Variants in CELSR1 observed in about 807,000 individuals in gnomAD.
CELSR1 encodes cadherin EGF LAG seven-pass G-type receptor 1.
CELSR1 carries 110 observed loss-of-function variants against 249.1 expected under a neutral mutation model. The ratio of observed to expected loss-of-function variants is 0.44; its 90% CI spans 0.38 to 0.52. The LOEUF is 0.52. Among genes scored for constraint, CELSR1 ranks in the 20% least tolerant of loss-of-function variants. The pLI, the probability that CELSR1 is intolerant of heterozygous loss-of-function variation, is 0.00. For missense variants in CELSR1, 4,109 were observed against 4,296.4 expected (o/e 0.96, Z 1.22); for synonymous variants, 2,113 against 1,900.0 (o/e 1.11, Z -2.92).
chr22:46,366,256 G>GA (rs376351841), intron 30 of CELSR1, 130 bp downstream of exon 30: 8 of 537,010 alleles, frequency 1.5e-5, no homozygotes, highest in East Asian at 3.1e-5. Flanking sequence ...CGGGTGGGAA[G>GA]AAGGTGCGGG....
At chr22:46,370,100 G>A in intron 25 of CELSR1, 1 of 515,306 alleles carries the variant, frequency 1.9e-6, no homozygotes, top group Non-Finnish European at 3.8e-6. Flanking sequence ...GGGTGGCAGT[G>A]AGATGGTGCA....
At chr22:46,421,385 G>A (rs562097861) in intron 5 of CELSR1, among the ~76,000 whole-genome samples, 4 of 152,154 alleles carry the variant, frequency 2.6e-5, no homozygotes, top group East Asian at 3.8e-4. Context: ...TCAGCCGGGC[G>A]TGAAACTGAG....
chr22:46,376,936 T>C, intron 24 of CELSR1, 125 bp downstream of exon 24: 1 of 941,464 alleles, frequency 1.1e-6, no homozygotes, highest in East Asian at 2.6e-5. Flanking sequence ...AAAGGGCATC[T>C]GTGAAGCAGA....
rs79928681 is a variant in CELSR1 at position 46,384,419 on chromosome 22, G to C, written c.6883+124C>G. On this transcript the variant is annotated intron_variant, in intron 20 of 34. Coordinates refer to ENST00000674500, the MANE Select transcript of CELSR1 (RefSeq NM_001378328.1). ...GTCACCAACAGGACCTGGCACCAGA[G>C]AGCACTCGGAACACTCTGGCCCAGA... 2.7e-3 allele frequency: 3,082 copies of C among 1,155,976 alleles called. 75 individuals carry two copies. The African/African-American group carries it at 0.044, about 16-fold the overall frequency. 71.6% of individuals were successfully genotyped at this position (1,155,976 alleles called of 1,614,324 possible).
Position 46,534,166 on chromosome 22 carries a change from T to C in CELSR1, c.3005A>G (p.Asp1002Gly). Residue 1002 changes from aspartate to glycine, a missense_variant, in exon 1 of 35, where the codon GAC becomes GGC. Around this residue, in one of 7 missense-constraint regions of CELSR1, gnomAD observed 886 missense variants for 896.5 expected, o/e 0.99. Transcript: ENST00000674500. The surrounding 1 kb of genome is among the most constrained non-coding windows in gnomAD (Gnocchi z 9.7). ...CTCCTCAACAAACAGCTCCAGTTCG[T>C]CCTTCTCAAACATGGGGGCATTGTC... Reference protein sequence around the residue: ...INDNAPMFEKDELELFVEENN... With the variant: ...INDNAPMFEKGELELFVEENN... The C allele has an allele frequency of 6.2e-7, 1 of 1,613,900 alleles. No homozygotes were observed. The highest frequency in any genetic ancestry group is 8.5e-7 in the Non-Finnish European group (1 of 1,180,036).
At chr22:46,418,242 A>G (rs548070993) in intron 5 of CELSR1, among the ~76,000 whole-genome samples, 1 of 152,308 alleles carries the variant, frequency 6.6e-6, no homozygotes, top group South Asian at 2.1e-4. Context: ...GCACTTTGGG[A>G]GGCCGAGGTG....
Position 46,377,102 on chromosome 22 carries a change from G to A in CELSR1, c.7543C>T (p.Gln2515Ter). The A allele has an allele frequency of 6.2e-7, 1 of 1,613,554 alleles. No homozygotes were observed. Among genetic ancestry groups the A allele is most frequent in the Non-Finnish European group, 8.5e-7 (1 of 1,179,882 alleles). ...TTGATCCCAATCACGAACACCAGCTGAGAGAGGAAGAGCGCCACGGCGAGG... is the reference window on the plus strand; with the variant it reads ...TTGATCCCAATCACGAACACCAGCTAAGAGAGGAAGAGCGCCACGGCGAGG... Reference protein sequence around the residue: ...KHLAVALFLSQLVFVIGINQT... With the variant: ...KHLAVALFLS Residue 2515 changes from glutamine to a stop codon, truncating the protein, a stop_gained, in exon 24 of 35, where the codon CAG becomes TAG. Transcript: ENST00000674500. LOFTEE classifies it high-confidence loss of function.
chr22:46,441,976 T>C lies in CELSR1; in HGVS notation c.4184-2565A>G, dbSNP rs2079755550. Among the ~76,000 whole-genome samples, 1 of 152,042 alleles carries C rather than the reference T, an allele frequency of 6.6e-6. No homozygotes were observed. Among genetic ancestry groups the C allele is most frequent in the African/African-American group, 2.4e-5 (1 of 41,390 alleles). On this transcript the variant is annotated intron_variant, in intron 2 of 34. Coordinates refer to ENST00000674500, the MANE Select transcript of CELSR1 (RefSeq NM_001378328.1). This position sits in a 1 kb window ranked among gnomAD's most constrained non-coding sequence, Gnocchi z 6.1. ...CCAGCCTAACCAACATGGTGAAACC[T>C]CATCTCTACTAAAAATACAAAATTA...
intron 1 of CELSR1, among the ~76,000 whole-genome samples, chr22:46,514,540 G>A (rs1343598485): frequency 6.6e-6 from 1 of 152,156 alleles, no homozygotes; most frequent in African/African-American, 2.4e-5. Context: ...GATGTGGCCT[G>A]AGGACACCCC....
rs556278911 is a variant in CELSR1, at chr22:46,396,545, C to T, written c.5843+60G>A. The stretch of plus-strand genomic sequence containing the variant: ...AAATAAGAAAGAGAAGACACTGAGT[C>T]GAGGGAACACAGCCACATGGACTCT... On this transcript the variant is annotated intron_variant, in intron 13 of 34. Coordinates refer to ENST00000674500, the MANE Select transcript of CELSR1 (RefSeq NM_001378328.1). This position sits in a 1 kb window ranked among gnomAD's most constrained non-coding sequence, Gnocchi z 6.4. The T allele has an allele frequency of 1.1e-4, 163 of 1,428,132 alleles. No homozygotes were observed. The highest frequency in any genetic ancestry group is 1.1e-3 in the East Asian group (41 of 38,094). The allele number at this position is 1,428,132 out of a possible 1,614,324, so 88.5% of individuals were successfully genotyped here. A position where few individuals can be genotyped will look rare whatever the true frequency, so the allele number is the denominator to read the frequency against.
chr22:46,470,300 T>A (rs1304213661), intron 1 of CELSR1, among the ~76,000 whole-genome samples: 1 of 151,822 alleles, frequency 6.6e-6, no homozygotes, highest in Non-Finnish European at 1.5e-5. Flanking sequence ...AATTGATTAA[T>A]GTTTGGGTCT....
chr22:46,419,397 C>T (rs2079439449), intron 5 of CELSR1, among the ~76,000 whole-genome samples: 1 of 152,188 alleles, frequency 6.6e-6, no homozygotes, highest in Non-Finnish European at 1.5e-5. Flanking sequence ...GAAGCTCACT[C>T]ATGTTCCTCT....
At chr22:46,523,923 A>G (rs978683309) in intron 1 of CELSR1, among the ~76,000 whole-genome samples, 4 of 152,122 alleles carry the variant, frequency 2.6e-5, no homozygotes, top group Non-Finnish European at 4.4e-5. Context: ...CCCCTCCCAC[A>G]GTCCTGCAGC....
chr22:46,458,182 G>A (rs992356311), intron 2 of CELSR1, among the ~76,000 whole-genome samples: 8 of 152,172 alleles, frequency 5.3e-5, no homozygotes, highest in Non-Finnish European at 1.0e-4. Flanking sequence ...CAAGCACCAC[G>A]GTGAGAGAGG....
rs763097945 is a variant in CELSR1 at position 46,382,023 on chromosome 22, C to T, written c.6911G>A (p.Arg2304Gln). 179 of 1,549,482 alleles carry T rather than the reference C, an allele frequency of 1.2e-4. No individual in the cohort carries two copies. Among genetic ancestry groups the T allele is most frequent in the Non-Finnish European group, 1.5e-4 (172 of 1,147,650 alleles). The change falls in exon 21 of 35, where the codon CGG becomes CAG. Residue 2304 changes from arginine (R) to glutamine (Q), a missense_variant. Arg to Gln is a conservative substitution (Grantham distance 43). This residue lies in a region of CELSR1 where 1,805 missense variants were observed against 1,831.6 expected (regional missense o/e 0.99). Transcript: ENST00000674500. ...GCGCGTGGTCTGCGGGGTGGTCCTC[C>T]GGCCAGCCGGCCTCAGCAGGGGGCC... Reference protein sequence around the residue: ...KEGPLLRPAGRRTTPQTTRPG... With the variant: ...KEGPLLRPAGQRTTPQTTRPG...
intron 2 of CELSR1, among the ~76,000 whole-genome samples, chr22:46,461,830 C>T (rs1303337062): frequency 6.6e-6 from 1 of 152,268 alleles, no homozygotes; most frequent in Non-Finnish European, 1.5e-5. Flanking sequence ...GCGCCCCCCA[C>T]CCAGGCCACA....
At position 46,365,287 on chromosome 22, in the gene CELSR1, AC is replaced by A; in HGVS notation, c.8497del (p.Val2833TrpfsTer50). The A allele has an allele frequency of 6.2e-7, 1 of 1,612,756 alleles. No homozygotes were observed. The highest frequency in any genetic ancestry group is 2.2e-5 in the East Asian group (1 of 44,866). On this transcript the variant is annotated frameshift_variant, in exon 32 of 35. Transcript: ENST00000674500. LOFTEE classifies it high-confidence loss of function. ...CGGGTCCCATTTTTCCTCAGCTCCCACCCCATCGTCCTCGCTGTCTGACGAG... is the reference window on the plus strand; with the variant it reads ...CGGGTCCCATTTTTCCTCAGCTCCCACCCATCGTCCTCGCTGTCTGACGAG... ...SHSSDSEDDG[V>X]GAEEKWDPAR...
Position 46,363,650 on chromosome 22 carries a change from C to CA in CELSR1, c.9035+345dup. On this transcript the variant is annotated intron_variant, in intron 34 of 34. Coordinates refer to ENST00000674500, the MANE Select transcript of CELSR1 (RefSeq NM_001378328.1). This position sits in a 1 kb window ranked among gnomAD's most constrained non-coding sequence, Gnocchi z 4.3. ...TTCACCCCTGGCATTCCGGGACCCT[C>CA]AGTATCCTCAACTGCAAGGTGGGTG... 1 of 382,018 alleles carries CA rather than the reference C, an allele frequency of 2.6e-6. No homozygotes were observed. The highest frequency in any genetic ancestry group is 4.7e-6 in the Non-Finnish European group (1 of 210,900). 23.7% of individuals were successfully genotyped at this position (382,018 alleles called of 1,614,324 possible).
Position 46,382,046 on chromosome 22 carries a change from G to T in CELSR1, c.6888C>A (p.Gly2296=). 1 of 1,534,484 alleles carries T rather than the reference G, an allele frequency of 6.5e-7. No homozygotes were observed. Among genetic ancestry groups the T allele is most frequent in the Non-Finnish European group, 8.8e-7 (1 of 1,139,348 alleles). The part of the protein sequence containing the change: ...DFFRPPEEKE[G]PLLRPAGRRT... ...TCCGGCCAGCCGGCCTCAGCAGGGG[G>T]CCTTCTGCAATGTGAGCAGAAGGTG... is the stretch of plus-strand genomic sequence containing the variant. Residue 2296 remains glycine (G), a synonymous_variant, in exon 21 of 35, where the codon GGC becomes GGA. Coordinates refer to ENST00000674500, the MANE Select transcript of CELSR1 (RefSeq NM_001378328.1).
Sources: gnomAD v4.1 joint callset for allele counts (sites outside exome capture counted in the v4.1 genomes callset) on GRCh38, gnomAD v4.1.1 for gene constraint, gnomAD v4.1.1 regional missense constraint, Gnocchi (gnomAD v3.1) non-coding constraint, MANE v1.5 for transcripts, NCBI Gene and HGNC (gene_info 2026-07-23, HGNC 2026-07-21) for gene names.